The following F8 variants were observed in gnomAD, a reference collection of about 807,000 sequenced individuals.
F8 encodes the protein antihemophilic factor.
F8 carries 12 observed loss-of-function variants against 140.6 expected under a neutral mutation model. The observed-to-expected ratio is 0.09, with a 90% CI of 0.05 to 0.14. The LOEUF (loss-of-function observed/expected upper bound fraction) is 0.14, where lower values mean the gene tolerates loss of function less well. F8 is among the 10% of genes least tolerant of loss of function. The pLI is 1.00. For synonymous variants in F8, 585 were observed against 614.6 expected (o/e 0.95, Z 0.71); for missense variants, 1,354 against 1,720.7 (o/e 0.79, Z 3.77).
intron 25 of F8, among the ~76,000 whole-genome samples, chrX:154,850,938 T>C (rs2072611128): frequency 8.9e-6 from 1 of 112,415 alleles, no homozygotes; most frequent in Non-Finnish European, 1.9e-5. Context: ...AATTTTAAAG[T>C]GTGAAGTTCA....
chrX:155,015,516 C>T (rs1039327810), intron 1 of F8, among the ~76,000 whole-genome samples: 1 of 111,926 alleles, frequency 8.9e-6, no homozygotes, highest in Admixed American at 9.5e-5. Flanking sequence ...AGACAAACAA[C>T]CCAATTAAAA....
chrX:154,943,041 G>A (rs111895011), intron 13 of F8, among the ~76,000 whole-genome samples: 1 of 109,910 alleles, frequency 9.1e-6, no homozygotes, highest in African/African-American at 3.3e-5. Context: ...GCTATCTATG[G>A]CAAACCCACA....
At chrX:155,005,470 G>C (rs1302693372) in intron 1 of F8, among the ~76,000 whole-genome samples, 1 of 110,345 alleles carries the variant, frequency 9.1e-6, no homozygotes, top group Non-Finnish European at 1.9e-5. Context: ...ATCTAGAATG[G>C]GTAGTAGAAG....
intron 13 of F8, among the ~76,000 whole-genome samples, chrX:154,938,007 T>A (rs2073233671): frequency 8.9e-6 from 1 of 112,043 alleles, no homozygotes; most frequent in Non-Finnish European, 1.9e-5. Flanking sequence ...TAAGATAGTA[T>A]GTTACTGGTA....
At position 154,989,373 on chromosome X, in the gene F8, C is replaced by T. The variant is rs149570317; in HGVS notation, c.602-2068G>A. 7.8e-3 allele frequency among the ~76,000 whole-genome samples: 862 copies of T among 111,168 alleles called. 10 individuals are homozygous for T. The highest frequency in any genetic ancestry group is 0.026 in the African/African-American group (787 of 30,596). On this transcript the variant is annotated intron_variant, in intron 4 of 25. Coordinates refer to ENST00000360256, the MANE Select transcript of F8 (RefSeq NM_000132.4). ...CATTTCAATATCCAAAAAGAACTCC[C>T]TCCTGCTATCCCTCTATAGTGTACA...
chrX:154,863,911 TC>T (rs1160634259), intron 22 of F8, among the ~76,000 whole-genome samples: 1 of 111,187 alleles, frequency 9.0e-6, no homozygotes, highest in Admixed American at 9.5e-5. Context: ...GAGGAGCAAC[TC>T]CCATTGGCAA....
intron 22 of F8, among the ~76,000 whole-genome samples, chrX:154,872,603 C>T (rs1296085475): frequency 2.7e-5 from 3 of 110,581 alleles, no homozygotes; most frequent in East Asian, 2.8e-4. Flanking sequence ...ATGTAGGTGA[C>T]GGGTTGATGG....
intron 6 of F8, among the ~76,000 whole-genome samples, chrX:154,975,908 T>A (rs1418536618): frequency 9.0e-6 from 1 of 111,002 alleles, no homozygotes; most frequent in Non-Finnish European, 1.9e-5. Flanking sequence ...TGTTTGTCAA[T>A]TTTTTTTTGA....
chrX:154,961,508 A>G (rs782542097), intron 9 of F8, among the ~76,000 whole-genome samples: 4 of 111,581 alleles, frequency 3.6e-5, no homozygotes, highest in Non-Finnish European at 5.7e-5. Flanking sequence ...CTATGTAAAT[A>G]GTTGTTTTAC....
intron 9 of F8, among the ~76,000 whole-genome samples, chrX:154,962,893 CGAGAGA>C (rs141726799): frequency 9.8e-4 from 94 of 95,895 alleles, no homozygotes; most frequent in East Asian, 4.6e-3. Context: ...GAGACAGAGA[CGAGAGA>C]GAGAGAGAGA....
intron 14 of F8, chrX:154,918,801 T>A (rs782602241): frequency 9.7e-6 from 1 of 102,623 alleles, no homozygotes; most frequent in East Asian, 3.0e-4. Context: ...TTTTTTTTTT[T>A]TTTTTTTTAA....
chrX:154,972,707 CTTTTT>C (rs1184930129), intron 6 of F8, among the ~76,000 whole-genome samples: 3,304 of 54,589 alleles, frequency 0.061, 115 homozygotes, highest in African/African-American at 0.17. Context: ...TTCTGTCTTT[CTTTTT>C]TTTTTTTTTT....
Position 154,837,375 on chromosome X carries a change from T to C in F8, c.*222A>G. ...GTTATATTGGAAGGAAGGAGTAATC[T>C]GGGAGCAGCTGCAGAAAATAGGTAA... On this transcript the variant is annotated 3_prime_UTR_variant, in exon 26 of 26. Transcript: ENST00000360256. 1 of 423,687 alleles carries C rather than the reference T, an allele frequency of 2.4e-6. No homozygotes were observed. The highest frequency in any genetic ancestry group is 4.1e-6 in the Non-Finnish European group (1 of 243,496). The allele number at this position is 423,687 out of a possible 1,213,427, so 34.9% of individuals were successfully genotyped here. A position where few individuals can be genotyped will look rare whatever the true frequency, so the allele number is the denominator to read the frequency against.
intron 25 of F8, among the ~76,000 whole-genome samples, chrX:154,853,751 T>G: frequency 8.9e-6 from 1 of 111,863 alleles, no homozygotes; most frequent in Non-Finnish European, 1.9e-5. Context: ...TGAGGAAAGG[T>G]CTTCCTTTTT....
chrX:154,939,935 C>T (rs949656032), intron 13 of F8, among the ~76,000 whole-genome samples: 22 of 112,484 alleles, frequency 2.0e-4, no homozygotes, highest in African/African-American at 7.1e-4. Flanking sequence ...CAAACTCCAA[C>T]AGACCTGCAG....
chrX:154,961,887 A>G (rs1040810692), intron 9 of F8, among the ~76,000 whole-genome samples: 5 of 111,586 alleles, frequency 4.5e-5, no homozygotes, highest in Non-Finnish European at 7.5e-5. Flanking sequence ...TTTTATCATA[A>G]CAACCGAGAA....
At chrX:154,948,039 T>A (rs2073316334) in intron 12 of F8, 132 bp from the exon 13 acceptor site, 1 of 563,655 alleles carries the variant, frequency 1.8e-6, no homozygotes, top group Non-Finnish European at 3.0e-6. Context: ...AGATATTATA[T>A]CTTCCAAAAA....
At chrX:154,899,838 T>C (rs782454730) in intron 21 of F8, 28 bp downstream of exon 21, 1 of 1,156,008 alleles carries the variant, frequency 8.7e-7, no homozygotes, top group Non-Finnish European at 1.2e-6. Context: ...ATGTGATACA[T>C]TTCCCATCAT....
chrX:154,915,782 C>CT (rs1428686854), intron 14 of F8, among the ~76,000 whole-genome samples: 2 of 111,518 alleles, frequency 1.8e-5, no homozygotes, highest in African/African-American at 6.5e-5. Context: ...AATTTGATTT[C>CT]TTTTTTTCTA....
Sources: gnomAD v4.1 joint callset for allele counts (sites outside exome capture counted in the v4.1 genomes callset) on GRCh38, gnomAD v4.1.1 for gene constraint, MANE v1.5 for transcripts, NCBI Gene and HGNC (gene_info 2026-07-23, HGNC 2026-07-21) for gene names.